The following SV2C variants were observed in gnomAD, a reference collection of about 807,000 sequenced individuals.
SV2C encodes synaptic vesicle glycoprotein 2C.
In SV2C, 49 loss-of-function variants were observed where a neutral mutation model predicts 79.7. That is an observed-to-expected ratio of 0.61 (90% CI 0.49 to 0.78). The LOEUF is 0.78. Among genes scored for constraint, SV2C ranks in the 30% least tolerant of loss-of-function variants. SV2C has a pLI of 0.00. For missense variants in SV2C, 833 were observed against 912.9 expected (o/e 0.91, Z 1.13); for synonymous variants, 334 against 333.2 (o/e 1.00, Z -0.03).
chr5:75,848,002 A>G, the SV2C span, among the ~76,000 whole-genome samples: 1 of 152,204 alleles, frequency 6.6e-6, no homozygotes, highest in African/African-American at 2.4e-5. Flanking sequence ...ATTTATGAAA[A>G]AAAGTAAACC....
the SV2C span, among the ~76,000 whole-genome samples, chr5:75,897,423 C>G: frequency 0.012 from 1,767 of 150,596 alleles, 14 homozygotes; most frequent in Middle Eastern, 0.034. Context: ...TTCCATTGAT[C>G]TATATCTCTG....
the SV2C span, among the ~76,000 whole-genome samples, chr5:75,870,378 G>T: frequency 6.6e-6 from 1 of 151,726 alleles, no homozygotes; most frequent in African/African-American, 2.4e-5. Context: ...AGTAAACAAT[G>T]CATCAGAGTC....
the SV2C span, among the ~76,000 whole-genome samples, chr5:75,987,115 T>G: frequency 1.3e-5 from 2 of 152,052 alleles, no homozygotes; most frequent in East Asian, 3.9e-4. Flanking sequence ...CAATGCAAAA[T>G]GAAGCTCACA....
chr5:75,914,386 G>T, the SV2C span, among the ~76,000 whole-genome samples: 1 of 152,074 alleles, frequency 6.6e-6, no homozygotes, highest in Non-Finnish European at 1.5e-5. Context: ...TTATTATGAT[G>T]AAGGGAACTA....
intron 2 of SV2C, among the ~76,000 whole-genome samples, chr5:76,141,157 C>T (rs929104539): frequency 2.6e-5 from 4 of 152,138 alleles, no homozygotes; most frequent in Admixed American, 2.0e-4. Context: ...TCCAAAGAGT[C>T]GGGTTCACTT....
the SV2C span, among the ~76,000 whole-genome samples, chr5:75,971,172 T>G: frequency 7.2e-5 from 11 of 152,186 alleles, no homozygotes; most frequent in Admixed American, 2.0e-4. Flanking sequence ...ATGGGATGTA[T>G]CTCAAAATAA....
intron 1 of SV2C, among the ~76,000 whole-genome samples, chr5:76,110,811 C>T (rs1351614925): frequency 6.6e-6 from 1 of 152,168 alleles, no homozygotes; most frequent in African/African-American, 2.4e-5. Context: ...GCAGTGTTGC[C>T]TGCTTGCCAC....
At chr5:76,068,336 AT>A in the SV2C span, among the ~76,000 whole-genome samples, 2 of 152,198 alleles carry the variant, frequency 1.3e-5, no homozygotes, top group African/African-American at 4.8e-5. Context: ...TCATATGATT[AT>A]TATTAATGTA....
the SV2C span, among the ~76,000 whole-genome samples, chr5:76,032,429 G>T: frequency 6.6e-6 from 1 of 152,142 alleles, no homozygotes; most frequent in Non-Finnish European, 1.5e-5. Flanking sequence ...CCCAGAGTGT[G>T]ATGTTCCCCT....
intron 12 of SV2C, among the ~76,000 whole-genome samples, chr5:76,318,431 GA>G (rs921242353): frequency 3.1e-4 from 45 of 145,996 alleles, no homozygotes; most frequent in African/African-American, 9.0e-4. Context: ...AAGAAAGAAA[GA>G]AAAAAAAAAC....
At chr5:76,175,280 A>G (rs763005105) in intron 2 of SV2C, among the ~76,000 whole-genome samples, 32 of 152,206 alleles carry the variant, frequency 2.1e-4, no homozygotes, top group Non-Finnish European at 2.5e-4. Context: ...AACGACAGGT[A>G]GGACCTGAAA....
At chr5:76,120,489 G>A (rs1298185974) in intron 1 of SV2C, among the ~76,000 whole-genome samples, 1 of 142,104 alleles carries the variant, frequency 7.0e-6, no homozygotes, top group Admixed American at 6.9e-5. Flanking sequence ...TTAGCATTAG[G>A]TGTATATCCC....
chr5:75,860,625 T>C, the SV2C span, among the ~76,000 whole-genome samples: 2 of 152,136 alleles, frequency 1.3e-5, no homozygotes, highest in African/African-American at 4.8e-5. Context: ...AGAGCCTAAA[T>C]AACCAAAGCA....
chr5:76,304,559 CTAAG>C (rs1429513335), intron 12 of SV2C, among the ~76,000 whole-genome samples: 6 of 152,328 alleles, frequency 3.9e-5, no homozygotes, highest in African/African-American at 1.2e-4. Flanking sequence ...GTACCTGAGA[CTAAG>C]TAATTTATAA....
chr5:76,027,036 A>G, the SV2C span, among the ~76,000 whole-genome samples: 1 of 151,846 alleles, frequency 6.6e-6, no homozygotes, highest in Non-Finnish European at 1.5e-5. Flanking sequence ...TATTTTTTGA[A>G]AAAAAGTATT....
At chr5:75,993,970 A>G in the SV2C span, among the ~76,000 whole-genome samples, 2 of 152,206 alleles carry the variant, frequency 1.3e-5, no homozygotes, top group East Asian at 3.9e-4. Context: ...AAACAAGAGA[A>G]CAAAAGAAAT....
chr5:76,079,340 G>A, upstream of SV2C: 1 of 314,280 alleles, frequency 3.2e-6, no homozygotes. Context: ...TGACCAAATG[G>A]TGATTGATGG....
intron 4 of SV2C, among the ~76,000 whole-genome samples, chr5:76,280,167 G>GA (rs1298014251): frequency 6.6e-6 from 1 of 151,960 alleles, no homozygotes; most frequent in Non-Finnish European, 1.5e-5. Flanking sequence ...GGATACTGGG[G>GA]AAAAAAAGCA....
At chr5:76,266,680 G>A (rs183026581) in intron 4 of SV2C, among the ~76,000 whole-genome samples, 11 of 152,166 alleles carry the variant, frequency 7.2e-5, no homozygotes, top group Admixed American at 1.3e-4. Flanking sequence ...ATGAGTTATC[G>A]TTTCATGGGT....
Sources: gnomAD v4.1 joint callset for allele counts (sites outside exome capture counted in the v4.1 genomes callset) on GRCh38, gnomAD v4.1.1 for gene constraint, MANE v1.5 for transcripts, NCBI Gene and HGNC (gene_info 2026-07-23, HGNC 2026-07-21) for gene names.